DTNB: variants seen among roughly 807,000 people sequenced by gnomAD.
The protein encoded by DTNB is DTN-B.
DTNB carries 63 observed loss-of-function variants against 90.7 expected under a neutral mutation model. That is an observed-to-expected ratio of 0.69 (90% CI 0.57 to 0.86). The LOEUF (loss-of-function observed/expected upper bound fraction) is 0.86, where lower values mean the gene tolerates loss of function less well. Ranked by LOEUF, DTNB falls within the 40% of genes least tolerant of loss-of-function variation. DTNB has a pLI of 0.00. For synonymous variants in DTNB, 277 were observed against 286.7 expected, an observed-to-expected ratio of 0.97 and a Z score of 0.34; for missense variants, 744 against 807.1, an observed-to-expected ratio of 0.92 and a Z score of 0.95.
intron 9 of DTNB, among the ~76,000 whole-genome samples, chr2:25,508,365 T>C (rs1381496296): frequency 6.6e-6 from 1 of 152,126 alleles, no homozygotes; most frequent in African/African-American, 2.4e-5. Flanking sequence ...ACTAACAATT[T>C]TGACATATAA....
At chr2:25,495,860 G>C (rs1230550027) in intron 9 of DTNB, among the ~76,000 whole-genome samples, 1 of 152,146 alleles carries the variant, frequency 6.6e-6, no homozygotes, top group East Asian at 1.9e-4. Flanking sequence ...GTGCATTTAA[G>C]TTTACTGATC....
chr2:25,490,661 G>GA (rs1455265215), intron 9 of DTNB, among the ~76,000 whole-genome samples: 2 of 152,034 alleles, frequency 1.3e-5, no homozygotes, highest in East Asian at 3.9e-4. Context: ...ATAATTATAG[G>GA]ATATTATGCT....
rs538767346 is a variant in DTNB, at chr2:25,580,390, C to T, written c.709+331G>A. ...ATAAAAATTAACCAGGTGTGGTGGC[C>T]GGCACCTGTAATCCCAGCTACTCGG... On this transcript the variant is annotated intron_variant, in intron 7 of 20. Transcript: ENST00000406818. 2.6e-5 allele frequency among the ~76,000 whole-genome samples: 4 copies of T among 151,668 alleles called. No homozygotes were observed. In the South Asian group the frequency reaches 6.3e-4, roughly 24 times the overall value.
At chr2:25,565,552 G>C (rs556318819) in intron 8 of DTNB, among the ~76,000 whole-genome samples, 2 of 152,200 alleles carry the variant, frequency 1.3e-5, no homozygotes, top group East Asian at 3.9e-4. Context: ...ACCACTGTGG[G>C]TTTTTCATAG....
chr2:25,537,645 G>A (rs1047658002), intron 8 of DTNB, among the ~76,000 whole-genome samples: 14 of 152,182 alleles, frequency 9.2e-5, no homozygotes, highest in Admixed American at 4.6e-4. Context: ...TTATGACTTG[G>A]ACCTGAAGTG....
chr2:25,620,157 G>A (rs1215729877), intron 4 of DTNB, among the ~76,000 whole-genome samples: 3 of 152,138 alleles, frequency 2.0e-5, no homozygotes, highest in Non-Finnish European at 2.9e-5. Context: ...GGAACAAAAC[G>A]CATGGCATCT....
Position 25,387,467 on chromosome 2 carries a change from G to T in DTNB, c.1736-89C>A. On this transcript the variant is annotated intron_variant, in intron 17 of 20. Coordinates refer to ENST00000406818, the MANE Select transcript of DTNB (RefSeq NM_021907.5). This position sits in a 1 kb window ranked among gnomAD's most constrained non-coding sequence, Gnocchi z 4.5. ...CAAATGCCTCAGTTCTGCCAGGCCC[G>T]AGAACACAGGTGTGGAACACCTAAG... 8.0e-7 allele frequency: 1 copy of T among 1,248,356 alleles called. No individual in the cohort carries two copies. Among genetic ancestry groups the T allele is most frequent in the Non-Finnish European group, 1.1e-6 (1 of 876,646 alleles). The allele number at this position is 1,248,356 out of a possible 1,614,324, so 77.3% of individuals were successfully genotyped here.
rs537036359 is a variant in DTNB at position 25,603,363 on chromosome 2, C to T, written c.448+3873G>A. Among the ~76,000 whole-genome samples, 11 of 152,094 alleles carry T rather than the reference C, an allele frequency of 7.2e-5. No homozygotes were observed. The East Asian group carries it at 1.9e-3, about 27-fold the overall frequency. On this transcript the variant is annotated intron_variant, in intron 5 of 20. Coordinates refer to ENST00000406818, the MANE Select transcript of DTNB (RefSeq NM_021907.5). ...GTGCTTTTAATTAAAGTCCATATTC[C>T]GATTATAAATCATTGGTATTTAGAA... is the stretch of plus-strand genomic sequence containing the variant.
intron 2 of DTNB, chr2:25,639,312 C>G: frequency 2.5e-6 from 1 of 404,172 alleles, no homozygotes; most frequent in Non-Finnish European, 4.5e-6. Context: ...TCCTGATATC[C>G]TGTCTGCTCA....
chr2:25,399,544 A>G (rs2043199676), intron 16 of DTNB: 2 of 133,300 alleles, frequency 1.5e-5, no homozygotes, highest in Admixed American at 1.5e-4. Flanking sequence ...GAGTTTTGCC[A>G]TGTTGGCCAG....
In DTNB at chr2:25,482,915, T is replaced by C. The variant is rs921553994; in HGVS notation, c.1002-42A>G. On this transcript the variant is annotated intron_variant, in intron 9 of 20. Transcript: ENST00000406818. ...TTACCTTATATTAATAATGACCAAC[T>C]AGGGGAAACAAGGGAAACGACGATA... 5 of 1,547,688 alleles carry C rather than the reference T, an allele frequency of 3.2e-6. No individual in the cohort carries two copies. The African/African-American group carries it at 4.2e-5, about 13-fold the overall frequency.
Position 25,422,637 on chromosome 2 carries a change from A to G in DTNB, c.1555-3102T>C, listed in dbSNP as rs191854619. On this transcript the variant is annotated intron_variant, in intron 15 of 20. Coordinates refer to ENST00000406818, the MANE Select transcript of DTNB (RefSeq NM_021907.5). ...GCCAGGCTGGTCTTGACCTCAGGTG[A>G]TCCACCTGCCTCGGCCTCCCAAAGT... 4.0e-3 allele frequency among the ~76,000 whole-genome samples: 608 copies of G among 151,924 alleles called. 6 individuals are homozygous for G. The highest frequency in any genetic ancestry group is 8.7e-3 in the Admixed American group (133 of 15,262).
chr2:25,574,533 T>C (rs537059344), intron 8 of DTNB, among the ~76,000 whole-genome samples: 16 of 152,340 alleles, frequency 1.1e-4, no homozygotes, highest in African/African-American at 3.4e-4. Flanking sequence ...AAAATTCTTA[T>C]ACTAGCTGGT....
At chr2:25,577,094 GAAGTC>G in intron 7 of DTNB, 90 bp from the exon 8 acceptor site, 6 of 1,368,258 alleles carry the variant, frequency 4.4e-6, no homozygotes, top group Non-Finnish European at 5.9e-6. Flanking sequence ...CTTGGAGAAT[GAAGTC>G]AATACAGAGG....
chr2:25,629,592 C>G (rs1231895964), intron 3 of DTNB, among the ~76,000 whole-genome samples: 1 of 151,928 alleles, frequency 6.6e-6, no homozygotes, highest in Non-Finnish European at 1.5e-5. Context: ...AATTTTCAAC[C>G]AAAACAAAGG....
chr2:25,527,240 G>C (rs189734792), intron 9 of DTNB, among the ~76,000 whole-genome samples: 1 of 152,118 alleles, frequency 6.6e-6, no homozygotes, highest in Admixed American at 6.6e-5. Flanking sequence ...ATTAGAAAAG[G>C]AGTCTGGGCA....
intron 9 of DTNB, among the ~76,000 whole-genome samples, chr2:25,507,459 T>G (rs1237395465): frequency 1.3e-5 from 2 of 152,180 alleles, no homozygotes; most frequent in African/African-American, 4.8e-5. Context: ...TTGTTCTACC[T>G]ATAGTAATCC....
intron 13 of DTNB, among the ~76,000 whole-genome samples, chr2:25,433,377 C>T (rs908950328): frequency 6.6e-6 from 1 of 152,184 alleles, no homozygotes; most frequent in Non-Finnish European, 1.5e-5. Context: ...CTGCCCCTTC[C>T]TTCCCTCTGT....
At chr2:25,562,479 T>C (rs951137782) in intron 8 of DTNB, among the ~76,000 whole-genome samples, 2 of 152,256 alleles carry the variant, frequency 1.3e-5, no homozygotes, top group Admixed American at 6.5e-5. Flanking sequence ...GGTGAGTCTA[T>C]GTTTAACATT....
Sources: allele counts gnomAD v4.1 joint callset (sites outside exome capture counted in the v4.1 genomes callset), GRCh38; gene constraint gnomAD v4.1.1; non-coding constraint Gnocchi (gnomAD v3.1); transcripts MANE v1.5; gene names NCBI Gene and HGNC (gene_info 2026-07-23, HGNC 2026-07-21).